Variants in DGKI observed in about 807,000 individuals in gnomAD.
DGKI encodes the protein DAG kinase iota.
Under a neutral mutation model 147.5 loss-of-function variants are expected in DGKI, and 55 were observed. The ratio of observed to expected loss-of-function variants is 0.37; its 90% confidence interval spans 0.30 to 0.47. The LOEUF (loss-of-function observed/expected upper bound fraction) is 0.47. Ranked by LOEUF, DGKI falls within the 20% of genes least tolerant of loss-of-function variation. The pLI is 1.00. For missense variants in DGKI, 1,007 were observed against 1,323.8 expected (o/e 0.76, Z 3.71); for synonymous variants, 469 against 477.1 (o/e 0.98, Z 0.22).
chr7:137,684,390 T>C (rs1823343608), intron 2 of DGKI, among the ~76,000 whole-genome samples: 1 of 152,248 alleles, frequency 6.6e-6, no homozygotes, highest in Non-Finnish European at 1.5e-5. Context: ...AAATATGGAA[T>C]TAAAAATAAT....
intron 28 of DGKI, among the ~76,000 whole-genome samples, chr7:137,421,013 C>T (rs553597797): frequency 2.6e-5 from 4 of 151,834 alleles, no homozygotes; most frequent in African/African-American, 7.2e-5. Context: ...AGTGAGATTC[C>T]GTCTCAATAA....
intron 27 of DGKI, among the ~76,000 whole-genome samples, chr7:137,444,459 A>T (rs867050966): frequency 1.3e-5 from 2 of 152,192 alleles, no homozygotes; most frequent in African/African-American, 2.4e-5. Flanking sequence ...CCAGGGATAT[A>T]AAAAAAGCAT....
chr7:137,846,227 C>T lies in DGKI; in HGVS notation c.401+235G>A, dbSNP rs1798724664. ...CAGACAAAATTTCTGTTGCTCTGAC[C>T]TTAGGGACCCAGTGCTTCTCTCCTG... On this transcript the variant is annotated intron_variant, in intron 1 of 32. Coordinates refer to ENST00000614521, the MANE Select transcript of DGKI (RefSeq NM_001321708.2). The surrounding 1 kb of genome is among the most constrained non-coding windows in gnomAD (Gnocchi z 4.0). Among the ~76,000 whole-genome samples the T allele has an allele frequency of 6.7e-6, 1 of 148,534 alleles. No individual in the cohort carries two copies. Among genetic ancestry groups the T allele is most frequent in the Admixed American group, 6.7e-5 (1 of 14,852 alleles).
intron 24 of DGKI, among the ~76,000 whole-genome samples, chr7:137,468,081 C>T (rs1001284001): frequency 6.6e-6 from 1 of 151,078 alleles, no homozygotes; most frequent in Non-Finnish European, 1.5e-5. Flanking sequence ...AGATTTTCTA[C>T]AAAACAAACA....
At chr7:137,767,931 T>G (rs1261482956) in intron 1 of DGKI, among the ~76,000 whole-genome samples, 1 of 152,146 alleles carries the variant, frequency 6.6e-6, no homozygotes, top group Non-Finnish European at 1.5e-5. Flanking sequence ...TTATATAATA[T>G]TCCAGTATGA....
rs566745212 is a variant in DGKI, at chr7:137,796,815, G to A, written c.401+49647C>T. ...AATAAACAAAGCCTCAGAGACTTGT[G>A]GGACATGAGCCAGCATACCAACATA... On this transcript the variant is annotated intron_variant, in intron 1 of 32. Transcript: ENST00000614521. Among the ~76,000 whole-genome samples, 3 of 152,228 alleles carry A rather than the reference G, an allele frequency of 2.0e-5. No homozygotes were observed. The East Asian group carries it at 5.8e-4, about 29-fold the overall frequency.
chr7:137,483,151 T>A (rs1214478119), intron 23 of DGKI, among the ~76,000 whole-genome samples: 1 of 152,056 alleles, frequency 6.6e-6, no homozygotes, highest in Admixed American at 6.6e-5. Context: ...CATCCGTTGA[T>A]CTCCATGAAT....
chr7:137,618,144 TATATA>T lies in DGKI; in HGVS notation c.993+1675_993+1679del, dbSNP rs1820602704. Among the ~76,000 whole-genome samples the T allele has an allele frequency of 5.6e-4, 8 of 14,294 alleles. 1 individual carries two copies. The highest frequency in any genetic ancestry group is 9.7e-4 in the Non-Finnish European group (6 of 6,166). 9.4% of individuals were successfully genotyped at this position (14,294 alleles called of 152,430 possible). A position where few individuals can be genotyped will look rare whatever the true frequency, so the allele number is the denominator to read the frequency against. On this transcript the variant is annotated intron_variant, in intron 8 of 32. Transcript: ENST00000614521. Reference sequence around the variant, plus strand: ...CTAAAATACTATATATATATATATATATATATATTTTTTTTTTTTTACTCTATCAT... The same window carrying T: ...CTAAAATACTATATATATATATATATTATTTTTTTTTTTTTACTCTATCAT...
intron 1 of DGKI, among the ~76,000 whole-genome samples, chr7:137,756,023 G>A (rs919618046): frequency 4.6e-5 from 7 of 152,246 alleles, no homozygotes; most frequent in Non-Finnish European, 2.9e-5. Context: ...CAACAAACAC[G>A]TCAGTTGAAC....
At chr7:137,419,315 T>A (rs1812473484) in intron 28 of DGKI, among the ~76,000 whole-genome samples, 1 of 152,232 alleles carries the variant, frequency 6.6e-6, no homozygotes, top group African/African-American at 2.4e-5. Context: ...TCTCTTGATC[T>A]TATCATGACT....
rs1163455161 is a variant in DGKI at position 137,501,082 on chromosome 7, C to CG, written c.2249-13394_2249-13393insC. 2.0e-5 allele frequency among the ~76,000 whole-genome samples: 3 copies of CG among 152,082 alleles called. No homozygotes were observed. The East Asian group carries it at 5.8e-4, about 29-fold the overall frequency. On this transcript the variant is annotated intron_variant, in intron 21 of 32. Transcript: ENST00000614521. Reference sequence around the variant, plus strand: ...CTACTCTCTACCTTCAGGAGACTGACTTTTTTAGCCCCTAGATATGAGACA... The same window carrying CG: ...CTACTCTCTACCTTCAGGAGACTGACGTTTTTTAGCCCCTAGATATGAGACA...
At chr7:137,836,102 T>C (rs1563220259) in intron 1 of DGKI, among the ~76,000 whole-genome samples, 1 of 152,196 alleles carries the variant, frequency 6.6e-6, no homozygotes, top group South Asian at 2.1e-4. Flanking sequence ...ATTTAGTCAG[T>C]ATAACAGTTT....
intron 30 of DGKI, among the ~76,000 whole-genome samples, chr7:137,402,859 G>T (rs913767671): frequency 3.3e-5 from 5 of 151,952 alleles, no homozygotes; most frequent in African/African-American, 1.2e-4. Flanking sequence ...AAAAAGGGGG[G>T]TTAAAAAAAG....
intron 6 of DGKI, among the ~76,000 whole-genome samples, chr7:137,642,998 T>C (rs1821692028): frequency 6.7e-6 from 1 of 148,256 alleles, no homozygotes; most frequent in Admixed American, 6.8e-5. Flanking sequence ...GGTTTAAAAG[T>C]CTATGAATAT....
chr7:137,701,240 A>G (rs1388560801), intron 1 of DGKI, among the ~76,000 whole-genome samples: 1 of 152,224 alleles, frequency 6.6e-6, no homozygotes, highest in Non-Finnish European at 1.5e-5. Context: ...AACATCATAC[A>G]TAATGGTACA....
At chr7:137,463,309 C>T (rs139861320) in intron 27 of DGKI, among the ~76,000 whole-genome samples, 180 bp downstream of exon 27, 8 of 152,188 alleles carry the variant, frequency 5.3e-5, no homozygotes, top group South Asian at 2.1e-4. Flanking sequence ...GTTCCATGAA[C>T]GGTTTGGGGT....
intron 1 of DGKI, among the ~76,000 whole-genome samples, chr7:137,711,214 A>T (rs1288894104): frequency 6.6e-6 from 1 of 152,208 alleles, no homozygotes; most frequent in Admixed American, 6.5e-5. Context: ...AGGAATATTG[A>T]AGGTGCACAT....
intron 15 of DGKI, among the ~76,000 whole-genome samples, chr7:137,580,948 G>T (rs1201922379): frequency 6.6e-6 from 1 of 151,976 alleles, no homozygotes; most frequent in Non-Finnish European, 1.5e-5. Context: ...CATGGTTCTG[G>T]TTATATATAT....
At chr7:137,489,107 T>C (rs1366277018) in intron 21 of DGKI, among the ~76,000 whole-genome samples, 4 of 152,202 alleles carry the variant, frequency 2.6e-5, no homozygotes, top group Non-Finnish European at 5.9e-5. Context: ...TCTAAAGTCC[T>C]GCATACATAA....
Sources: gnomAD v4.1 joint callset for allele counts (sites outside exome capture counted in the v4.1 genomes callset) on GRCh38, gnomAD v4.1.1 for gene constraint, Gnocchi (gnomAD v3.1) non-coding constraint, MANE v1.5 for transcripts, NCBI Gene and HGNC (gene_info 2026-07-23, HGNC 2026-07-21) for gene names.